ANKRD11: variants seen among roughly 807,000 people sequenced by gnomAD.
The protein encoded by ANKRD11 is ankyrin repeat domain 11, also known as ankyrin repeat domain-containing protein 11.
Under a neutral mutation model 195.7 loss-of-function variants are expected in ANKRD11, and 17 were observed. That is an observed-to-expected ratio of 0.09 (90% CI 0.06 to 0.13). ANKRD11 has a LOEUF of 0.13. Among genes scored for constraint, ANKRD11 ranks in the 10% least tolerant of loss-of-function variants. The pLI, the probability that ANKRD11 is intolerant of heterozygous loss-of-function variation, is 1.00. For synonymous variants in ANKRD11, 1,953 were observed against 1,528.1 expected, an observed-to-expected ratio of 1.28 and a Z score of -6.49; for missense variants, 3,735 against 3,566.1, an observed-to-expected ratio of 1.05 and a Z score of -1.21.
chr16:89,326,385 C>A (rs937475295), intron 2 of ANKRD11, among the ~76,000 whole-genome samples: 3 of 151,770 alleles, frequency 2.0e-5, no homozygotes, highest in South Asian at 2.1e-4. Flanking sequence ...ACCGCCCCCC[C>A]CACCCCGCTG....
At chr16:89,404,290 G>C (rs2041821774) in intron 2 of ANKRD11, among the ~76,000 whole-genome samples, 1 of 152,092 alleles carries the variant, frequency 6.6e-6, no homozygotes, top group Non-Finnish European at 1.5e-5. Context: ...CACCAGCAAA[G>C]ACTCTGAGAA....
chr16:89,338,549 T>C (rs560357437), intron 2 of ANKRD11, among the ~76,000 whole-genome samples: 2 of 151,162 alleles, frequency 1.3e-5, no homozygotes, highest in African/African-American at 4.9e-5. Context: ...GCCAACATGA[T>C]GACTGTCTCT....
chr16:89,289,622 C>A (rs901939353), intron 6 of ANKRD11, among the ~76,000 whole-genome samples: 1 of 152,212 alleles, frequency 6.6e-6, no homozygotes, highest in Non-Finnish European at 1.5e-5. Flanking sequence ...GCCGGCCTCC[C>A]GGCTCAGAGG....
chr16:89,350,452 A>G (rs1216107122), intron 2 of ANKRD11, among the ~76,000 whole-genome samples: 3 of 152,206 alleles, frequency 2.0e-5, no homozygotes, highest in Non-Finnish European at 2.9e-5. Context: ...AACATGCGAC[A>G]TATCTACCCC....
At chr16:89,288,253 C>T in intron 7 of ANKRD11, 1 of 629,252 alleles carries the variant, frequency 1.6e-6, no homozygotes, top group Non-Finnish European at 2.8e-6. Context: ...TAATCCTTCA[C>T]CTGCTCAAAT....
At chr16:89,359,620 C>T (rs2039640939) in intron 2 of ANKRD11, among the ~76,000 whole-genome samples, 1 of 152,210 alleles carries the variant, frequency 6.6e-6, no homozygotes, top group Admixed American at 6.5e-5. Context: ...CACAGAGCTG[C>T]TCATTTCAGC....
In ANKRD11 at chr16:89,273,982, G is replaced by A. The variant is rs370845171; in HGVS notation, c.7713+832C>T. 2.4e-4 allele frequency among the ~76,000 whole-genome samples: 37 copies of A among 152,304 alleles called. 1 individual carries two copies. In the South Asian group the frequency reaches 7.7e-3, roughly 32 times the overall value. On this transcript the variant is annotated intron_variant, in intron 11 of 12. Transcript: ENST00000301030. ...CCCACTGCACAGGATGTGGGGCCTG[G>A]GGTCCAGGGAGCCCACAACCTGAGC...
intron 2 of ANKRD11, among the ~76,000 whole-genome samples, chr16:89,350,836 C>T (rs1217878938): frequency 2.0e-5 from 3 of 152,154 alleles, no homozygotes; most frequent in Admixed American, 6.5e-5. Context: ...GTGGTATGTG[C>T]TACCATAAGA....
rs759888869 is a variant in ANKRD11 at position 89,323,774 on chromosome 16, C to G, written c.-59-6696G>C. The G allele has an allele frequency of 2.3e-5, 6 of 255,500 alleles. No individual in the cohort carries two copies. The Admixed American group carries it at 2.6e-4, about 11-fold the overall frequency. The allele number at this position is 255,500 out of a possible 1,614,324, so 15.8% of individuals were successfully genotyped here. On this transcript the variant is annotated intron_variant, in intron 2 of 12. Transcript: ENST00000301030. ...CTCTCCTTCCTCCTCAGGGCCGCAC[C>G]AGCTCTCTCTCCTTCCCCTCCTCAG...
chr16:89,332,703 G>A (rs969787895), intron 2 of ANKRD11, among the ~76,000 whole-genome samples: 14 of 152,254 alleles, frequency 9.2e-5, no homozygotes, highest in Admixed American at 2.0e-4. Context: ...GCTCTCCTCC[G>A]GCAGGGCCTG....
intron 1 of ANKRD11, among the ~76,000 whole-genome samples, chr16:89,425,807 G>C (rs2042693970): frequency 6.6e-6 from 1 of 152,194 alleles, no homozygotes; most frequent in African/African-American, 2.4e-5. Context: ...CTTCAGAACT[G>C]AGGTGAGCCT....
chr16:89,347,295 C>A (rs553446807), intron 2 of ANKRD11, among the ~76,000 whole-genome samples: 54 of 152,132 alleles, frequency 3.5e-4, no homozygotes, highest in African/African-American at 5.3e-4. Context: ...TATGTGTGTA[C>A]GTGAACATGT....
chr16:89,480,801 C>T (rs571590657), intron 1 of ANKRD11, among the ~76,000 whole-genome samples: 5 of 152,192 alleles, frequency 3.3e-5, no homozygotes, highest in African/African-American at 4.8e-5. Context: ...GGCAACACAT[C>T]TGCCGAGCTG....
At chr16:89,376,303 C>A (rs3102339) in intron 2 of ANKRD11, among the ~76,000 whole-genome samples, 1 of 151,978 alleles carries the variant, frequency 6.6e-6, no homozygotes, top group Non-Finnish European at 1.5e-5. Context: ...GATGGTTTGA[C>A]AGTTTTAGAA....
chr16:89,410,119 G>A (rs540500983), intron 2 of ANKRD11, among the ~76,000 whole-genome samples: 15 of 152,288 alleles, frequency 9.8e-5, no homozygotes, highest in Non-Finnish European at 1.6e-4. Flanking sequence ...GATTACAGGC[G>A]TGAGCCACCG....
chr16:89,324,978 G>A (rs1221899937), intron 2 of ANKRD11: 4 of 164,462 alleles, frequency 2.4e-5, no homozygotes, highest in Admixed American at 1.9e-4. Flanking sequence ...AAGTACTGGT[G>A]AAGGGGTGGA....
At chr16:89,286,759 G>C in intron 7 of ANKRD11, 2 of 1,287,106 alleles carry the variant, frequency 1.6e-6, no homozygotes, top group South Asian at 1.2e-5. Flanking sequence ...ATGACTGACA[G>C]AGACAACCAT....
intron 2 of ANKRD11, among the ~76,000 whole-genome samples, chr16:89,330,395 T>A (rs1047668466): frequency 5.3e-5 from 8 of 151,914 alleles, no homozygotes; most frequent in African/African-American, 1.9e-4. Context: ...GCTTCCCAGG[T>A]GGCCGCTCGC....
chr16:89,277,873 G>T (rs867075824), intron 9 of ANKRD11: 8 of 155,888 alleles, frequency 5.1e-5, no homozygotes, highest in Middle Eastern at 3.4e-3. Flanking sequence ...CACCAGGGGG[G>T]TGCTGGGTAG....
Sources: allele counts gnomAD v4.1 joint callset (sites outside exome capture counted in the v4.1 genomes callset), GRCh38; gene constraint gnomAD v4.1.1; transcripts MANE v1.5; gene names NCBI Gene and HGNC (gene_info 2026-07-23, HGNC 2026-07-21).